CCDC38: variants seen among roughly 807,000 people sequenced by gnomAD.
CCDC38 encodes coiled-coil domain-containing protein 38.
CCDC38 carries 69 observed loss-of-function variants against 72.8 expected under a neutral mutation model. That is an observed-to-expected ratio of 0.95 (90% CI 0.78 to 1.16). CCDC38 has a LOEUF of 1.16. Among genes scored for constraint, CCDC38 ranks in the 50% most tolerant of loss-of-function variants. The probability of loss-of-function intolerance (pLI) is 0.00; values close to 1 mark genes in which losing one functional copy is unlikely to be tolerated. For synonymous variants in CCDC38, 201 were observed against 213.2 expected (o/e 0.94, Z 0.50); for missense variants, 626 against 638.9 (o/e 0.98, Z 0.22).
chr12:95,933,813 T>G (rs1033892452), intron 2 of CCDC38: 1 of 152,186 alleles, frequency 6.6e-6, no homozygotes, highest in Non-Finnish European at 1.5e-5. Flanking sequence ...TATGGTACAT[T>G]TGCATTTTGT....
At chr12:95,907,900 G>A (rs1049360943) in intron 4 of CCDC38, among the ~76,000 whole-genome samples, 13 of 151,366 alleles carry the variant, frequency 8.6e-5, no homozygotes, top group Non-Finnish European at 8.8e-5. Context: ...GGGAAGAGGC[G>A]CTTCTCACTT....
chr12:95,903,841 C>T (rs2079974798), intron 5 of CCDC38: 2 of 173,068 alleles, frequency 1.2e-5, no homozygotes, highest in Non-Finnish European at 2.4e-5. Context: ...TGGTCTTTAG[C>T]TTTCTTGTCT....
At chr12:95,929,494 T>C (rs10161345) in intron 2 of CCDC38, among the ~76,000 whole-genome samples, 147,658 of 152,242 alleles carry the variant, frequency 0.97, 71,637 homozygotes, top group East Asian at 1. Context: ...AGAAATCACC[T>C]GTCTTCTGCG....
Position 95,912,735 on chromosome 12 carries a change from G to A in CCDC38, c.304+4394C>T, listed in dbSNP as rs187475866. Among the ~76,000 whole-genome samples, 295 of 152,226 alleles carry A rather than the reference G, an allele frequency of 1.9e-3. 1 individual carries two copies. The highest frequency in any genetic ancestry group is 5.4e-4 in the Non-Finnish European group (37 of 68,030). ...ACATCACACCATACCCTATCAATAT[G>A]TATGATTATTATGGGGTCAATTAAA... On this transcript the variant is annotated intron_variant, in intron 4 of 15. Coordinates refer to ENST00000344280, the MANE Select transcript of CCDC38 (RefSeq NM_182496.3).
intron 10 of CCDC38, among the ~76,000 whole-genome samples, chr12:95,886,777 G>A (rs2079764433): frequency 6.6e-6 from 1 of 152,202 alleles, no homozygotes; most frequent in South Asian, 2.1e-4. Flanking sequence ...ATAAAAGACA[G>A]TGAAAACACC....
intron 15 of CCDC38, among the ~76,000 whole-genome samples, chr12:95,868,380 A>T (rs1376935968): frequency 6.6e-6 from 1 of 152,252 alleles, no homozygotes. Context: ...TAAGTAGTCC[A>T]TGTGGAAGGG....
intron 9 of CCDC38, among the ~76,000 whole-genome samples, chr12:95,889,764 G>A (rs896208957): frequency 1.3e-5 from 2 of 152,164 alleles, no homozygotes; most frequent in African/African-American, 4.8e-5. Flanking sequence ...AGTGGACCCA[G>A]TAAGAACAAA....
intron 2 of CCDC38, among the ~76,000 whole-genome samples, chr12:95,920,361 A>G (rs543962409): frequency 6.6e-6 from 1 of 152,184 alleles, no homozygotes; most frequent in African/African-American, 2.4e-5. Flanking sequence ...GGCCTCCCCA[A>G]CCATATGGAA....
At chr12:95,894,196 G>C (rs549138162) in intron 8 of CCDC38, among the ~76,000 whole-genome samples, 4 of 151,974 alleles carry the variant, frequency 2.6e-5, no homozygotes, top group African/African-American at 9.6e-5. Flanking sequence ...TCCAGCTCTG[G>C]GTGACAGACA....
intron 1 of CCDC38, among the ~76,000 whole-genome samples, chr12:95,939,195 G>T (rs1207814954): frequency 3.9e-5 from 6 of 152,160 alleles, no homozygotes; most frequent in East Asian, 1.9e-4. Context: ...ACATGGAGAG[G>T]TGCACTCTGA....
chr12:95,888,530 C>T (rs957390987), intron 9 of CCDC38, 24 bp from the exon 10 acceptor site: 1 of 1,612,466 alleles, frequency 6.2e-7, no homozygotes, highest in Admixed American at 1.7e-5. Flanking sequence ...CCAGGTGAGG[C>T]CATGCCGTTG....
intron 5 of CCDC38, chr12:95,903,726 T>A (rs2079973681): frequency 5.4e-6 from 2 of 368,180 alleles, no homozygotes; most frequent in Non-Finnish European, 9.7e-6. Flanking sequence ...TTTGTATTCT[T>A]AGATTAAACC....
chr12:95,916,581 G>A (rs1007902093), intron 4 of CCDC38, among the ~76,000 whole-genome samples: 1 of 151,852 alleles, frequency 6.6e-6, no homozygotes, highest in African/African-American at 2.4e-5. Flanking sequence ...TGACAAGTAG[G>A]ATACCCCCTA....
Position 95,875,670 on chromosome 12 carries a change from A to G in CCDC38, c.1278+2541T>C, listed in dbSNP as rs568896285. 1.1e-4 allele frequency among the ~76,000 whole-genome samples: 17 copies of G among 152,226 alleles called. No homozygotes were observed. The South Asian group carries it at 3.3e-3, about 30-fold the overall frequency. ...ATCCTAAGAATACGTTTCCCTCCCA[A>G]TTTTCCTGCTTCACCTCCCCTTCCC... On this transcript the variant is annotated intron_variant, in intron 13 of 15. Coordinates refer to ENST00000344280, the MANE Select transcript of CCDC38 (RefSeq NM_182496.3).
chr12:95,936,388 T>A (rs1592812089), intron 2 of CCDC38, 85 bp downstream of exon 2: 30 of 1,232,986 alleles, frequency 2.4e-5, no homozygotes, highest in Non-Finnish European at 3.2e-5. Flanking sequence ...TGGTGTAACA[T>A]TCTCCTTTTC....
At position 95,882,377 on chromosome 12, in the gene CCDC38, A is replaced by G. The variant is rs183038149; in HGVS notation, c.921-823T>C. Among the ~76,000 whole-genome samples the G allele has an allele frequency of 3.3e-5, 5 of 152,312 alleles. No homozygotes were observed. In the East Asian group the frequency reaches 9.6e-4, roughly 29 times the overall value. On this transcript the variant is annotated intron_variant, in intron 10 of 15. Coordinates refer to ENST00000344280, the MANE Select transcript of CCDC38 (RefSeq NM_182496.3). Reference sequence around the variant, plus strand: ...GAGAAGAGACAAAGATGACTCCAACATTTGTGGTCTGGAGCCTGGAAAAAT... The same window carrying G: ...GAGAAGAGACAAAGATGACTCCAACGTTTGTGGTCTGGAGCCTGGAAAAAT...
chr12:95,872,522 T>G (rs1284300597), intron 13 of CCDC38, 62 bp from the exon 14 acceptor site: 12 of 1,036,812 alleles, frequency 1.2e-5, no homozygotes, highest in Non-Finnish European at 1.8e-5. Context: ...ATATACCATT[T>G]TACTATATTA....
intron 4 of CCDC38, among the ~76,000 whole-genome samples, chr12:95,911,945 G>T (rs2080098936): frequency 6.6e-6 from 1 of 152,172 alleles, no homozygotes; most frequent in South Asian, 2.1e-4. Context: ...GTTAACCACA[G>T]CAAATACAGA....
At chr12:95,930,118 G>A (rs1170562695) in intron 2 of CCDC38, among the ~76,000 whole-genome samples, 1 of 152,092 alleles carries the variant, frequency 6.6e-6, no homozygotes, top group South Asian at 2.1e-4. Flanking sequence ...GGTTAGAATA[G>A]GAAGGCCAAC....
Sources: allele counts gnomAD v4.1 joint callset (sites outside exome capture counted in the v4.1 genomes callset), GRCh38; gene constraint gnomAD v4.1.1; transcripts MANE v1.5; gene names NCBI Gene and HGNC (gene_info 2026-07-23, HGNC 2026-07-21).